RAPH1: variants seen among roughly 807,000 people sequenced by gnomAD.
RAPH1 encodes the protein ras-associated and pleckstrin homology domains-containing protein 1.
Under a neutral mutation model 88.1 loss-of-function variants are expected in RAPH1, and 18 were observed. That is an observed-to-expected ratio of 0.20 (90% CI 0.14 to 0.30). The LOEUF (loss-of-function observed/expected upper bound fraction) is 0.30, where lower values mean the gene tolerates loss of function less well. Ranked by LOEUF, RAPH1 falls within the 10% of genes least tolerant of loss-of-function variation. The pLI, the probability that RAPH1 is intolerant of heterozygous loss-of-function variation, is 1.00. For synonymous variants in RAPH1, 587 were observed against 559.0 expected, an observed-to-expected ratio of 1.05 and a Z score of -0.71; for missense variants, 1,448 against 1,543.2, an observed-to-expected ratio of 0.94 and a Z score of 1.03.
chr2:203,455,336 GA>G, intron 9 of RAPH1, 100 bp downstream of exon 9: 1 of 1,138,392 alleles, frequency 8.8e-7, no homozygotes, highest in Non-Finnish European at 1.3e-6. Flanking sequence ...TCCACGAACT[GA>G]AACAAATCAT....
intron 1 of RAPH1, among the ~76,000 whole-genome samples, chr2:203,507,615 TAA>T (rs1043055593): frequency 1.3e-5 from 2 of 152,102 alleles, no homozygotes; most frequent in Non-Finnish European, 2.9e-5. Context: ...AATCAAATCA[TAA>T]GAGACATTTT....
intron 4 of RAPH1, among the ~76,000 whole-genome samples, chr2:203,471,641 T>C (rs1327705592): frequency 2.0e-5 from 3 of 151,984 alleles, no homozygotes; most frequent in Non-Finnish European, 2.9e-5. Flanking sequence ...TACACGGTCA[T>C]AGATAAAATA....
Position 203,459,897 on chromosome 2 carries a change from T to G in RAPH1, c.1092+10A>C, listed in dbSNP as rs77510179. 1 of 1,609,448 alleles carries G rather than the reference T, an allele frequency of 6.2e-7. No homozygotes were observed. Among genetic ancestry groups the G allele is most frequent in the East Asian group, 2.2e-5 (1 of 44,772 alleles). On this transcript the variant is annotated intron_variant, in intron 7 of 13. Coordinates refer to ENST00000319170, the MANE Select transcript of RAPH1 (RefSeq NM_213589.3). ...ACAAATCCTGACCTCTGTAAGTTGT[T>G]TGGTCTTACCTGTGGGTTTTTGAAA...
chr2:203,440,667 G>A lies in RAPH1; in HGVS notation c.2523C>T (p.Pro841=), dbSNP rs2098502781. 3 of 1,569,152 alleles carry A rather than the reference G, an allele frequency of 1.9e-6. No individual in the cohort carries two copies. The highest frequency in any genetic ancestry group is 2.6e-6 in the Non-Finnish European group (3 of 1,154,928). Residue 841 remains proline, a synonymous_variant, in exon 14 of 14, where the codon CCC becomes CCT. Transcript: ENST00000319170. ...GTTTTGCACAGAAGCTCTGTTGCTT[G>A]GGTAATGTTGGCGGGGGTACTGGAA... ...PPVPVPPPTL[P]KQQSFCAKPP...
intron 1 of RAPH1, among the ~76,000 whole-genome samples, chr2:203,517,142 T>C (rs1452357190): frequency 6.6e-6 from 1 of 151,468 alleles, no homozygotes; most frequent in East Asian, 1.9e-4. Context: ...TAGACACAAA[T>C]AGATGAAAAG....
intron 9 of RAPH1, among the ~76,000 whole-genome samples, chr2:203,454,802 ATACTAT>A (rs1029119694): frequency 5.9e-5 from 9 of 152,206 alleles, no homozygotes; most frequent in African/African-American, 2.2e-4. Context: ...CATTTTAAAG[ATACTAT>A]TAATATAGTC....
chr2:203,458,926 C>A (rs1251302205), intron 7 of RAPH1, among the ~76,000 whole-genome samples: 1 of 152,108 alleles, frequency 6.6e-6, no homozygotes, highest in East Asian at 1.9e-4. Context: ...CCACGCCCGG[C>A]TAATTTTTTG....
chr2:203,509,028 AT>A (rs1175321082), intron 1 of RAPH1, among the ~76,000 whole-genome samples: 1 of 150,862 alleles, frequency 6.6e-6, no homozygotes, highest in Non-Finnish European at 1.5e-5. Context: ...TTCATCAGAC[AT>A]CCTTTCACAG....
intron 4 of RAPH1, among the ~76,000 whole-genome samples, chr2:203,477,372 G>C (rs1687510541): frequency 6.6e-6 from 1 of 152,116 alleles, no homozygotes; most frequent in Non-Finnish European, 1.5e-5. Context: ...ATAATTTAAG[G>C]ATAACCTCAC....
chr2:203,477,168 C>A, intron 4 of RAPH1: 1 of 1,610,836 alleles, frequency 6.2e-7, no homozygotes, highest in Non-Finnish European at 8.5e-7. Flanking sequence ...TGTGAAAATG[C>A]AGTAAGGAAG....
chr2:203,441,284 G>A lies in RAPH1; in HGVS notation c.1906C>T (p.Pro636Ser). 7.7e-7 allele frequency: 1 copy of A among 1,299,288 alleles called. No individual in the cohort carries two copies. The highest frequency in any genetic ancestry group is 2.2e-5 in the Admixed American group (1 of 44,854). The allele number at this position is 1,299,288 out of a possible 1,614,324, so 80.5% of individuals were successfully genotyped here. A position where few individuals can be genotyped will look rare whatever the true frequency, so the allele number is the denominator to read the frequency against. Residue 636 changes from proline (P) to serine (S), a missense_variant, in exon 14 of 14, where the codon CCT (proline) becomes TCT (serine). Transcript: ENST00000319170. ...PPLPPPPPPP[P>S]PPPPPPPPPP... ...GGTGGTGGAGGGGGTGGTGGAGGAG[G>A]AGGTGGGGGTGGCGGAGGAGGTAGA...
At chr2:203,490,324 A>G (rs767311339) in intron 3 of RAPH1, among the ~76,000 whole-genome samples, 1 of 152,248 alleles carries the variant, frequency 6.6e-6, no homozygotes, top group Non-Finnish European at 1.5e-5. Flanking sequence ...AGACAAAAAC[A>G]CTACAAAAAT....
At chr2:203,467,654 C>T (rs1254883452) in intron 4 of RAPH1, among the ~76,000 whole-genome samples, 1 of 152,036 alleles carries the variant, frequency 6.6e-6, no homozygotes, top group Non-Finnish European at 1.5e-5. Context: ...TTTTCATGTC[C>T]AAGGTCTCAG....
rs2098498465 is a variant in RAPH1 at position 203,436,339 on chromosome 2, G to T, written c.*3098C>A. ...ATAAACTATCCAATTTACAACTAAG[G>T]TGGGTATCTGTAAAAACCTTAAGAA... On this transcript the variant is annotated 3_prime_UTR_variant, in exon 14 of 14. Coordinates refer to ENST00000319170, the MANE Select transcript of RAPH1 (RefSeq NM_213589.3). 6.6e-6 allele frequency: 1 copy of T among 152,122 alleles called. No homozygotes were observed. Among genetic ancestry groups the T allele is most frequent in the African/African-American group, 2.4e-5 (1 of 41,414 alleles). The allele number at this position is 152,122 out of a possible 1,614,324, so 9.4% of individuals were successfully genotyped here.
chr2:203,494,766 G>A (rs1363592418), intron 2 of RAPH1, among the ~76,000 whole-genome samples: 1 of 143,036 alleles, frequency 7.0e-6, no homozygotes, highest in East Asian at 2.0e-4. Flanking sequence ...CCAAGATTGC[G>A]CCACTGCACT....
At chr2:203,531,273 G>C (rs1262839150) in intron 1 of RAPH1, among the ~76,000 whole-genome samples, 1 of 152,048 alleles carries the variant, frequency 6.6e-6, no homozygotes, top group African/African-American at 2.4e-5. Context: ...GGGGCTGGGG[G>C]AGGGATAGCA....
intron 1 of RAPH1, among the ~76,000 whole-genome samples, chr2:203,531,072 A>C (rs1249117580): frequency 1.3e-5 from 2 of 152,174 alleles, no homozygotes; most frequent in Non-Finnish European, 2.9e-5. Context: ...ACATTTGCAA[A>C]AATTAATCCC....
intron 3 of RAPH1, 116 bp from the exon 4 acceptor site, chr2:203,490,205 T>G (rs1305180938): frequency 2.3e-5 from 24 of 1,050,114 alleles, no homozygotes; most frequent in Admixed American, 1.6e-4. Flanking sequence ...GCAAATAAAA[T>G]TAAGTATTTC....
chr2:203,440,097 A>AT lies in RAPH1; in HGVS notation c.3092dup (p.Asn1031LysfsTer42), dbSNP rs1383681040. 2 of 1,613,428 alleles carry AT rather than the reference A, an allele frequency of 1.2e-6. No individual in the cohort carries two copies. Among genetic ancestry groups the AT allele is most frequent in the South Asian group, 1.1e-5 (1 of 91,060 alleles). On this transcript the variant is annotated frameshift_variant, in exon 14 of 14. Coordinates refer to ENST00000319170, the MANE Select transcript of RAPH1 (RefSeq NM_213589.3). LOFTEE classifies it high-confidence loss of function. The stretch of plus-strand genomic sequence containing the variant: ...CTCCAGGAAGGTTGACTCCAGAAAG[A>AT]TTGAGTTTTCCAGGCTTGGGGGGTG...
Sources: gnomAD v4.1 joint callset for allele counts (sites outside exome capture counted in the v4.1 genomes callset) on GRCh38, gnomAD v4.1.1 for gene constraint, MANE v1.5 for transcripts, NCBI Gene and HGNC (gene_info 2026-07-23, HGNC 2026-07-21) for gene names.